The following PDE4B variants were observed in gnomAD, a reference collection of about 807,000 sequenced individuals.
PDE4B encodes the protein phosphodiesterase 4B.
Under a neutral mutation model 82.2 loss-of-function variants are expected in PDE4B, and 20 were observed. The ratio of observed to expected loss-of-function variants is 0.24; its 90% confidence interval spans 0.17 to 0.35. The LOEUF (loss-of-function observed/expected upper bound fraction) is 0.35, where lower values mean the gene tolerates loss of function less well. Among genes scored for constraint, PDE4B ranks in the 10% least tolerant of loss-of-function variants. PDE4B has a pLI of 1.00. For synonymous variants in PDE4B, 320 were observed against 318.9 expected (o/e 1.00, Z -0.04); for missense variants, 655 against 907.2 (o/e 0.72, Z 3.57).
chr1:65,906,269 C>T (rs762919514), intron 1 of PDE4B, among the ~76,000 whole-genome samples: 11 of 151,804 alleles, frequency 7.2e-5, no homozygotes, highest in African/African-American at 1.5e-4. Context: ...TTTTAGGAGA[C>T]GGAAAAAATT....
intron 1 of PDE4B, among the ~76,000 whole-genome samples, chr1:65,898,453 T>C (rs1246955815): frequency 6.6e-6 from 1 of 151,654 alleles, no homozygotes; most frequent in Non-Finnish European, 1.5e-5. Flanking sequence ...TTCACAGCAT[T>C]GGAAAAAACA....
intron 3 of PDE4B, chr1:65,992,308 G>A (rs1651286650): frequency 2.0e-5 from 3 of 152,224 alleles, no homozygotes; most frequent in Admixed American, 6.5e-5. Context: ...GTTGTTAAGG[G>A]GGAAACAGAG....
chr1:66,361,525 G>C (rs552190875), intron 9 of PDE4B, 90 bp from the exon 10 acceptor site: 2 of 938,794 alleles, frequency 2.1e-6, no homozygotes, highest in African/African-American at 3.3e-5. Flanking sequence ...AGATTCTAAA[G>C]CTGTTATAGA....
intron 3 of PDE4B, among the ~76,000 whole-genome samples, chr1:66,087,080 A>G (rs752576487): frequency 5.9e-5 from 9 of 152,126 alleles, no homozygotes; most frequent in Non-Finnish European, 1.2e-4. Context: ...TGTTCTTTAT[A>G]TTCACGTATT....
intron 8 of PDE4B, chr1:66,354,925 T>C: frequency 6.5e-7 from 1 of 1,526,756 alleles, no homozygotes; most frequent in Admixed American, 2.0e-5. Flanking sequence ...TCTGTGTCTT[T>C]GATAAAATGT....
chr1:66,328,098 A>G (rs1463361528), intron 7 of PDE4B, among the ~76,000 whole-genome samples: 1 of 152,260 alleles, frequency 6.6e-6, no homozygotes, highest in Non-Finnish European at 1.5e-5. Context: ...TCCTTTGAGA[A>G]AAGAGCTATT....
chr1:65,884,921 G>A (rs532384390), intron 1 of PDE4B, among the ~76,000 whole-genome samples: 3 of 152,202 alleles, frequency 2.0e-5, no homozygotes, highest in South Asian at 4.2e-4. Context: ...GAGTGAACAG[G>A]CAACCTACAG....
intron 3 of PDE4B, among the ~76,000 whole-genome samples, chr1:65,950,889 C>T (rs1473357747): frequency 2.0e-5 from 3 of 152,078 alleles, no homozygotes; most frequent in Non-Finnish European, 4.4e-5. Flanking sequence ...CTATTAGGAA[C>T]TATAATGATC....
At chr1:65,832,774 T>G (rs1646097011) in intron 1 of PDE4B, among the ~76,000 whole-genome samples, 1 of 152,142 alleles carries the variant, frequency 6.6e-6, no homozygotes, top group South Asian at 2.1e-4. Context: ...CAATAGGAAA[T>G]AAAGAGTGAG....
At chr1:66,112,196 G>T (rs1036873508) in intron 3 of PDE4B, among the ~76,000 whole-genome samples, 1 of 152,070 alleles carries the variant, frequency 6.6e-6, no homozygotes, top group African/African-American at 2.4e-5. Flanking sequence ...AGAACAGGAA[G>T]ACATCCCTGA....
intron 3 of PDE4B, among the ~76,000 whole-genome samples, chr1:66,052,576 T>G (rs921796996): frequency 6.6e-6 from 1 of 151,672 alleles, no homozygotes; most frequent in Admixed American, 6.6e-5. Flanking sequence ...TTTTTGCCTT[T>G]CTTCTCTCTT....
intron 3 of PDE4B, among the ~76,000 whole-genome samples, chr1:66,201,411 A>C (rs1648937097): frequency 1.3e-5 from 2 of 152,124 alleles, no homozygotes. Context: ...GAATAGTTTC[A>C]GAAGGAATGG....
chr1:65,810,416 C>T (rs888268143), intron 1 of PDE4B, among the ~76,000 whole-genome samples: 2 of 152,138 alleles, frequency 1.3e-5, no homozygotes, highest in African/African-American at 4.8e-5. Flanking sequence ...AGGATGAAAA[C>T]ATTAAGCCTC....
chr1:66,312,037 A>G (rs1658709861), intron 7 of PDE4B, among the ~76,000 whole-genome samples: 2 of 152,226 alleles, frequency 1.3e-5, no homozygotes, highest in Admixed American at 6.5e-5. Context: ...AGTGCCTCTT[A>G]TTCTTCATCA....
At position 66,020,413 on chromosome 1, in the gene PDE4B, C is replaced by T. The variant is rs181485491; in HGVS notation, c.281+101578C>T. Among the ~76,000 whole-genome samples the T allele has an allele frequency of 3.5e-3, 527 of 152,188 alleles. 2 individuals carry two copies. Among genetic ancestry groups the T allele is most frequent in the Middle Eastern group, 0.027 (8 of 294 alleles). On this transcript the variant is annotated intron_variant, in intron 3 of 16. Transcript: ENST00000341517. ...ATGTGCCATGTTGGTGTGCTGCACC[C>T]GATAACTCGTCATTTATATTAGGTA...
chr1:65,835,146 A>G (rs1646126285), intron 1 of PDE4B, among the ~76,000 whole-genome samples: 1 of 152,224 alleles, frequency 6.6e-6, no homozygotes, highest in South Asian at 2.1e-4. Context: ...TTGAGAAACC[A>G]GGGAACATGA....
intron 3 of PDE4B, chr1:65,992,725 C>T: frequency 3.7e-6 from 5 of 1,349,386 alleles, no homozygotes; most frequent in Non-Finnish European, 4.7e-6. Flanking sequence ...TTGTGACAGC[C>T]TGACTTGCTA....
At chr1:66,218,434 G>A (rs1650680808) in intron 3 of PDE4B, among the ~76,000 whole-genome samples, 2 of 152,126 alleles carry the variant, frequency 1.3e-5, no homozygotes, top group Non-Finnish European at 2.9e-5. Context: ...AAAGAAGGGA[G>A]GTAGGGAGAT....
chr1:65,979,485 T>A (rs1005043435), intron 3 of PDE4B, among the ~76,000 whole-genome samples: 1 of 152,216 alleles, frequency 6.6e-6, no homozygotes, highest in Non-Finnish European at 1.5e-5. Context: ...TTGCAATATT[T>A]TTCTGCTTAT....
Sources: gnomAD v4.1 joint callset for allele counts (sites outside exome capture counted in the v4.1 genomes callset) on GRCh38, gnomAD v4.1.1 for gene constraint, MANE v1.5 for transcripts, NCBI Gene and HGNC (gene_info 2026-07-23, HGNC 2026-07-21) for gene names.